KAZN: variants seen among roughly 807,000 people sequenced by gnomAD.
KAZN encodes kazrin, periplakin interacting protein.
In KAZN, 40 loss-of-function variants were observed where a neutral mutation model predicts 87.4. The observed-to-expected ratio is 0.46, with a 90% confidence interval of 0.36 to 0.60. KAZN has a LOEUF of 0.60. Among genes scored for constraint, KAZN ranks in the 20% least tolerant of loss-of-function variants. KAZN has a pLI of 0.00. For missense variants in KAZN, 898 were observed against 1,073.9 expected (o/e 0.84, Z 2.29); for synonymous variants, 466 against 458.3 (o/e 1.02, Z -0.22).
intron 2 of KAZN, among the ~76,000 whole-genome samples, chr1:14,199,316 G>A (rs146885553): frequency 7.0e-4 from 107 of 152,156 alleles, no homozygotes; most frequent in African/African-American, 2.5e-3. Context: ...GGGACTCTCC[G>A]ATCTCCCACC....
intron 1 of KAZN, among the ~76,000 whole-genome samples, chr1:14,922,145 A>T: frequency 6.6e-6 from 1 of 152,252 alleles, no homozygotes; most frequent in East Asian, 1.9e-4. Context: ...CTAAGTGTTT[A>T]ATATGCCAAG....
At chr1:14,814,817 A>G (rs1247201165) in intron 1 of KAZN, among the ~76,000 whole-genome samples, 2 of 152,212 alleles carry the variant, frequency 1.3e-5, no homozygotes, top group Admixed American at 1.3e-4. Context: ...ATTCAAGGAA[A>G]GTTTCCTTAG....
At chr1:14,471,387 AG>A (rs1009034327) in intron 2 of KAZN, among the ~76,000 whole-genome samples, 15 of 152,316 alleles carry the variant, frequency 9.8e-5, no homozygotes, top group African/African-American at 3.6e-4. Flanking sequence ...ATACAATAAA[AG>A]TCAAAGAAAA....
chr1:15,101,953 A>T (rs1236426066), intron 11 of KAZN, among the ~76,000 whole-genome samples, 179 bp downstream of exon 11: 1 of 152,104 alleles, frequency 6.6e-6, no homozygotes, highest in Non-Finnish European at 1.5e-5. Flanking sequence ...CTATCCAGCC[A>T]TCATCCAGCC....
intron 2 of KAZN, among the ~76,000 whole-genome samples, chr1:15,012,778 C>T (rs1252924694): frequency 3.9e-5 from 6 of 152,016 alleles, no homozygotes; most frequent in African/African-American, 1.2e-4. Flanking sequence ...AAAAATTAGC[C>T]GGGCGTGGTG....
At chr1:14,964,349 C>T (rs1358770608) in intron 2 of KAZN, among the ~76,000 whole-genome samples, 1 of 152,088 alleles carries the variant, frequency 6.6e-6, no homozygotes, top group East Asian at 1.9e-4. Context: ...TGTGTAGTAC[C>T]ATTAGTGCCA....
intron 1 of KAZN, among the ~76,000 whole-genome samples, chr1:14,158,815 G>T (rs1645649439): frequency 6.6e-6 from 1 of 152,130 alleles, no homozygotes; most frequent in Admixed American, 6.5e-5. Context: ...TCTGCTTTAT[G>T]GGTCACCCCA....
chr1:14,411,442 G>A (rs1664295718), intron 2 of KAZN, among the ~76,000 whole-genome samples: 1 of 152,144 alleles, frequency 6.6e-6, no homozygotes, highest in South Asian at 2.1e-4. Context: ...TTACAGGCAT[G>A]CACCATCACA....
intron 2 of KAZN, among the ~76,000 whole-genome samples, chr1:14,416,598 A>C (rs530148711): frequency 6.6e-6 from 1 of 152,166 alleles, no homozygotes; most frequent in South Asian, 2.1e-4. Context: ...TTAGCCGGGC[A>C]TGGTGGTGGG....
rs556371748 is a variant in KAZN, at chr1:15,077,562, C to T, written c.1222+11809C>T. 2.0e-5 allele frequency among the ~76,000 whole-genome samples: 3 copies of T among 152,368 alleles called. 1 individual carries two copies. The highest frequency in any genetic ancestry group is 1.3e-4 in the Admixed American group (2 of 15,310). ...AATCCTGAGCTCCACCGCTCCTCCG[C>T]AAGGGCTACACAGGACCAGGTCAGC... On this transcript the variant is annotated intron_variant, in intron 8 of 14. Transcript: ENST00000376030. The surrounding 1 kb of genome is among the most constrained non-coding windows in gnomAD (Gnocchi z 4.8).
At chr1:14,784,029 C>G (rs1423225718) in intron 1 of KAZN, among the ~76,000 whole-genome samples, 1 of 152,150 alleles carries the variant, frequency 6.6e-6, no homozygotes, top group African/African-American at 2.4e-5. Flanking sequence ...CTAGGAGATA[C>G]ATATTAAGAG....
chr1:14,381,260 A>T (rs1374698744), intron 2 of KAZN, among the ~76,000 whole-genome samples: 1 of 152,216 alleles, frequency 6.6e-6, no homozygotes, highest in Admixed American at 6.5e-5. Flanking sequence ...TATATAAAGC[A>T]AATATTATTA....
intron 2 of KAZN, among the ~76,000 whole-genome samples, chr1:14,268,918 A>C (rs995277220): frequency 6.6e-6 from 1 of 152,242 alleles, no homozygotes; most frequent in Non-Finnish European, 1.5e-5. Context: ...GGATAAGTCT[A>C]TCTCTCACGC....
chr1:14,561,332 G>C (rs1259875072), intron 2 of KAZN, among the ~76,000 whole-genome samples: 1 of 152,170 alleles, frequency 6.6e-6, no homozygotes, highest in Non-Finnish European at 1.5e-5. Flanking sequence ...ATAAGAGATG[G>C]AAGGGACAGA....
intron 1 of KAZN, among the ~76,000 whole-genome samples, chr1:13,909,505 A>C (rs1639572318): frequency 6.6e-6 from 1 of 152,128 alleles, no homozygotes; most frequent in African/African-American, 2.4e-5. Context: ...GTTCTATCTC[A>C]GCCAGGGTTT....
intron 2 of KAZN, among the ~76,000 whole-genome samples, chr1:14,356,543 GT>G (rs1659042615): frequency 6.7e-6 from 1 of 150,002 alleles, no homozygotes; most frequent in Non-Finnish European, 1.5e-5. Context: ...TTCTTCTAGG[GT>G]TTTTATGGTT....
chr1:14,710,227 T>C (rs1642414347), intron 1 of KAZN, among the ~76,000 whole-genome samples: 1 of 152,102 alleles, frequency 6.6e-6, no homozygotes, highest in South Asian at 2.1e-4. Context: ...ATTTACCCAT[T>C]TCCCCCAACT....
At chr1:13,916,426 G>A (rs911552308) in intron 1 of KAZN, among the ~76,000 whole-genome samples, 1 of 152,106 alleles carries the variant, frequency 6.6e-6, no homozygotes, top group African/African-American at 2.4e-5. Flanking sequence ...AGCCTGCCTG[G>A]TATTTCTGAT....
At chr1:14,695,796 G>T (rs1389682907) in intron 1 of KAZN, among the ~76,000 whole-genome samples, 1 of 151,904 alleles carries the variant, frequency 6.6e-6, no homozygotes, top group Non-Finnish European at 1.5e-5. Context: ...GAGCCACCGT[G>T]CCCGGCCTCT....
Sources: gnomAD v4.1 joint callset for allele counts (sites outside exome capture counted in the v4.1 genomes callset) on GRCh38, gnomAD v4.1.1 for gene constraint, Gnocchi (gnomAD v3.1) non-coding constraint, MANE v1.5 for transcripts, NCBI Gene and HGNC (gene_info 2026-07-23, HGNC 2026-07-21) for gene names.